CDIN1: variants seen among roughly 807,000 people sequenced by gnomAD.
The protein encoded by CDIN1 is CDAN1-interacting nuclease 1.
In CDIN1, 33 loss-of-function variants were observed where a neutral mutation model predicts 45.3. That is an observed-to-expected ratio of 0.73 (90% CI 0.55 to 0.97). The LOEUF is 0.97. CDIN1 is among the 50% of genes least tolerant of loss of function. The probability of loss-of-function intolerance (pLI) is 0.00; values close to 1 mark genes in which losing one functional copy is unlikely to be tolerated. For synonymous variants in CDIN1, 118 were observed against 124.4 expected (o/e 0.95, Z 0.34); for missense variants, 303 against 339.4 (o/e 0.89, Z 0.84).
chr15:36,607,116 T>G (rs1462237211), intron 1 of CDIN1, among the ~76,000 whole-genome samples: 1 of 152,186 alleles, frequency 6.6e-6, no homozygotes, highest in Non-Finnish European at 1.5e-5. Flanking sequence ...TAAGTGTCAC[T>G]GGAAATCTGT....
chr15:36,750,561 GAGGGTGACGTTGCTGATAGCTCA>G (rs1437635777), intron 10 of CDIN1, among the ~76,000 whole-genome samples: 2 of 152,270 alleles, frequency 1.3e-5, no homozygotes, highest in African/African-American at 4.8e-5. Flanking sequence ...GTGTGGGATG[GAGGGTGACGTTGCTGATAGCTCA>G]ATACTTAACG....
chr15:36,736,746 G>A (rs957176835), intron 10 of CDIN1, among the ~76,000 whole-genome samples: 1 of 152,146 alleles, frequency 6.6e-6, no homozygotes, highest in African/African-American at 2.4e-5. Context: ...CTCTTGTCTT[G>A]AAGTACGTTT....
chr15:36,588,532 TTAC>T (rs1460461789), intron 1 of CDIN1, among the ~76,000 whole-genome samples: 1 of 152,202 alleles, frequency 6.6e-6, no homozygotes, highest in Non-Finnish European at 1.5e-5. Flanking sequence ...TAGAATTAAT[TTAC>T]ATGATCTTTA....
chr15:36,644,365 T>C (rs776008161), intron 2 of CDIN1, 42 bp downstream of exon 2: 43 of 1,573,358 alleles, frequency 2.7e-5, no homozygotes, highest in East Asian at 2.2e-4. Flanking sequence ...AGGTGCCTAA[T>C]TGAATGATGA....
chr15:36,670,369 TA>T (rs2041407157), intron 5 of CDIN1, among the ~76,000 whole-genome samples: 1 of 152,146 alleles, frequency 6.6e-6, no homozygotes, highest in Non-Finnish European at 1.5e-5. Flanking sequence ...TTTCGTTAGT[TA>T]CTCTTGTTAA....
At chr15:36,742,144 C>G (rs8023588) in intron 10 of CDIN1, among the ~76,000 whole-genome samples, 2,345 of 152,040 alleles carry the variant, frequency 0.015, 68 homozygotes, top group African/African-American at 0.053. Flanking sequence ...CCTACAAAAA[C>G]TAGTGTGTAT....
At chr15:36,746,669 C>CCACGCA (rs1555403572) in intron 10 of CDIN1, among the ~76,000 whole-genome samples, 7 of 141,434 alleles carry the variant, frequency 4.9e-5, no homozygotes, top group Non-Finnish European at 7.5e-5. Context: ...ATATATGGTT[C>CCACGCA]CACACACACA....
chr15:36,677,966 C>T (rs1035487476), intron 5 of CDIN1, among the ~76,000 whole-genome samples: 1 of 152,144 alleles, frequency 6.6e-6, no homozygotes, highest in Non-Finnish European at 1.5e-5. Flanking sequence ...GACAAGGTTC[C>T]GATCAGTCTG....
In CDIN1 at chr15:36,579,827, C is replaced by T; in HGVS notation, c.-34C>T. ...TACTTGAGCCCCAGGGTGTTTTTTC[C>T]TTGTTCCCGCCACCTCCTGGTCCCT... On this transcript the variant is annotated 5_prime_UTR_variant, in exon 1 of 11. Coordinates refer to ENST00000566621, the MANE Select transcript of CDIN1 (RefSeq NM_001321759.2). 2 of 1,577,738 alleles carry T rather than the reference C, an allele frequency of 1.3e-6. No homozygotes were observed. The highest frequency in any genetic ancestry group is 1.7e-6 in the Non-Finnish European group (2 of 1,158,248).
intron 10 of CDIN1, among the ~76,000 whole-genome samples, chr15:36,743,357 C>T (rs2044305101): frequency 1.3e-5 from 2 of 152,122 alleles, no homozygotes; most frequent in Non-Finnish European, 2.9e-5. Context: ...GGTGCTTAGC[C>T]TAAACATAAC....
chr15:36,669,423 A>T lies in CDIN1; in HGVS notation c.346+11518A>T, dbSNP rs192220023. Among the ~76,000 whole-genome samples, 390 of 152,232 alleles carry T rather than the reference A, an allele frequency of 2.6e-3. 2 individuals are homozygous for T. Among genetic ancestry groups the T allele is most frequent in the African/African-American group, 9.1e-3 (377 of 41,574 alleles). On this transcript the variant is annotated intron_variant, in intron 5 of 10. Transcript: ENST00000566621. ...TCTAATAGAAAGCTTTTACTTTTTTAAAATAAAATTTTATTTTGGGATAAT... is the reference window on the plus strand; with the variant it reads ...TCTAATAGAAAGCTTTTACTTTTTTTAAATAAAATTTTATTTTGGGATAAT...
intron 10 of CDIN1, among the ~76,000 whole-genome samples, chr15:36,773,191 T>C (rs2054123774): frequency 6.6e-6 from 1 of 152,160 alleles, no homozygotes; most frequent in Admixed American, 6.5e-5. Context: ...AAACTGAGAT[T>C]TCTCTCCACT....
At chr15:36,746,884 G>C in intron 10 of CDIN1, 1 of 393,872 alleles carries the variant, frequency 2.5e-6, no homozygotes, top group Non-Finnish European at 4.5e-6. Context: ...CAAGTAGCTG[G>C]GACTGCAGGT....
intron 10 of CDIN1, among the ~76,000 whole-genome samples, chr15:36,754,176 A>G: frequency 6.6e-6 from 1 of 152,100 alleles, no homozygotes; most frequent in East Asian, 1.9e-4. Flanking sequence ...CTGGCAGACA[A>G]GTGGCCAATA....
At chr15:36,613,896 G>C in intron 1 of CDIN1, 1 of 1,554,444 alleles carries the variant, frequency 6.4e-7, no homozygotes, top group Non-Finnish European at 8.8e-7. Flanking sequence ...GACTTGGAAC[G>C]CACAGAGAAT....
chr15:36,588,897 G>A (rs1304666962), intron 1 of CDIN1, among the ~76,000 whole-genome samples: 1 of 152,086 alleles, frequency 6.6e-6, no homozygotes, highest in Admixed American at 6.5e-5. Context: ...CTCAGATAAT[G>A]TTATTCTAAG....
intron 1 of CDIN1, chr15:36,613,403 GGA>G: frequency 8.6e-7 from 1 of 1,164,684 alleles, no homozygotes; most frequent in Non-Finnish European, 1.3e-6. Flanking sequence ...ACTCAGTTTT[GGA>G]GAGGAGGCTG....
chr15:36,709,108 G>T (rs2042965705), intron 8 of CDIN1, 115 bp from the exon 9 acceptor site: 1 of 771,454 alleles, frequency 1.3e-6, no homozygotes, highest in East Asian at 3.0e-5. Flanking sequence ...GCATAAGAAA[G>T]ATATGTATGA....
chr15:36,610,292 C>A (rs998335218), intron 1 of CDIN1, among the ~76,000 whole-genome samples: 1 of 152,154 alleles, frequency 6.6e-6, no homozygotes. Context: ...TAGAGAAGTA[C>A]CTAATTGCTT....
Sources: gnomAD v4.1 joint callset for allele counts (sites outside exome capture counted in the v4.1 genomes callset) on GRCh38, gnomAD v4.1.1 for gene constraint, MANE v1.5 for transcripts, NCBI Gene and HGNC (gene_info 2026-07-23, HGNC 2026-07-21) for gene names.